Variants in CPA6 observed in about 807,000 individuals in gnomAD.
CPA6 encodes the protein carboxypeptidase A6.
In CPA6, 58 loss-of-function variants were observed where a neutral mutation model predicts 63.3. That is an observed-to-expected ratio of 0.92 (90% CI 0.74 to 1.14). The LOEUF is 1.14. CPA6 is among the 50% of genes most tolerant of loss of function. The pLI, the probability that CPA6 is intolerant of heterozygous loss-of-function variation, is 0.00. For synonymous variants in CPA6, 185 were observed against 179.0 expected, an observed-to-expected ratio of 1.03 and a Z score of -0.27; for missense variants, 565 against 526.6, an observed-to-expected ratio of 1.07 and a Z score of -0.71.
chr8:67,625,703 C>T (rs1332814508), intron 1 of CPA6, among the ~76,000 whole-genome samples: 1 of 152,082 alleles, frequency 6.6e-6, no homozygotes, highest in Non-Finnish European at 1.5e-5. Context: ...CTCTCTATGG[C>T]ATTTTACAAT....
rs185852553 is a variant in CPA6, at chr8:67,662,522, C to G, written c.117-38271G>C. Among the ~76,000 whole-genome samples the G allele has an allele frequency of 7.4e-3, 866 of 117,110 alleles. 9 individuals carry two copies. The highest frequency in any genetic ancestry group is 0.032 in the African/African-American group (814 of 25,488). The allele number at this position is 117,110 out of a possible 152,430, so 76.8% of individuals were successfully genotyped here. A position where few individuals can be genotyped will look rare whatever the true frequency, so the allele number is the denominator to read the frequency against. ...TGTATATGTATATAATACATACACA[C>G]GTATATGTATATATAGAATACATAC... On this transcript the variant is annotated intron_variant, in intron 1 of 10. Transcript: ENST00000297770.
At chr8:67,441,168 T>C (rs895137254) in intron 8 of CPA6, among the ~76,000 whole-genome samples, 2 of 152,204 alleles carry the variant, frequency 1.3e-5, no homozygotes, top group African/African-American at 4.8e-5. Context: ...GACACCTGGA[T>C]AAAAGATCAG....
At chr8:67,547,363 T>C (rs905806917) in intron 2 of CPA6, among the ~76,000 whole-genome samples, 3 of 152,210 alleles carry the variant, frequency 2.0e-5, no homozygotes, top group African/African-American at 7.2e-5. Flanking sequence ...AAGTTTTAAA[T>C]GAACTATACC....
intron 2 of CPA6, among the ~76,000 whole-genome samples, chr8:67,562,437 C>A (rs571598820): frequency 6.6e-6 from 1 of 152,136 alleles, no homozygotes; most frequent in Non-Finnish European, 1.5e-5. Context: ...TGGTTGAAAG[C>A]GCTAAGCCCT....
At chr8:67,632,854 G>A (rs935633815) in intron 1 of CPA6, among the ~76,000 whole-genome samples, 6 of 152,160 alleles carry the variant, frequency 3.9e-5, no homozygotes, top group Non-Finnish European at 7.3e-5. Context: ...GACCTAATAT[G>A]TATTCAAGTT....
At chr8:67,458,720 A>G (rs1370275495) in intron 8 of CPA6, among the ~76,000 whole-genome samples, 1 of 152,248 alleles carries the variant, frequency 6.6e-6, no homozygotes. Context: ...TAAGAAAACA[A>G]TTTAAAAATG....
At chr8:67,647,028 G>T (rs902423140) in intron 1 of CPA6, among the ~76,000 whole-genome samples, 4 of 152,180 alleles carry the variant, frequency 2.6e-5, no homozygotes, top group Admixed American at 2.6e-4. Flanking sequence ...GGATTACAGG[G>T]AAAGGGAAGA....
chr8:67,731,115 T>A (rs1221740360), intron 1 of CPA6, among the ~76,000 whole-genome samples: 1 of 152,232 alleles, frequency 6.6e-6, no homozygotes, highest in Non-Finnish European at 1.5e-5. Flanking sequence ...ACTTTACCAT[T>A]TCATCTAACT....
At chr8:67,701,855 A>G (rs1817031302) in intron 1 of CPA6, among the ~76,000 whole-genome samples, 1 of 152,188 alleles carries the variant, frequency 6.6e-6, no homozygotes, top group East Asian at 1.9e-4. Flanking sequence ...TTTCTGCATT[A>G]GGATTACTAC....
chr8:67,686,122 A>G (rs944686230), intron 1 of CPA6, among the ~76,000 whole-genome samples: 1 of 151,286 alleles, frequency 6.6e-6, no homozygotes, highest in Admixed American at 6.6e-5. Flanking sequence ...ATGAATGACC[A>G]GAACCCCATT....
chr8:67,565,781 T>TTGTAA (rs1428793024), intron 2 of CPA6, among the ~76,000 whole-genome samples: 1 of 152,178 alleles, frequency 6.6e-6, no homozygotes, highest in Admixed American at 6.5e-5. Flanking sequence ...TAATGTCAGT[T>TTGTAA]TGTCTCAGCA....
At chr8:67,568,182 G>A (rs1450914137) in intron 2 of CPA6, among the ~76,000 whole-genome samples, 2 of 152,098 alleles carry the variant, frequency 1.3e-5, no homozygotes, top group Non-Finnish European at 2.9e-5. Context: ...TCCTGTAAAA[G>A]CCAGGAAAGT....
chr8:67,651,684 G>A (rs1207023572), intron 1 of CPA6, among the ~76,000 whole-genome samples: 1 of 152,002 alleles, frequency 6.6e-6, no homozygotes, highest in East Asian at 1.9e-4. Context: ...ACGACATGTT[G>A]AGAGAAGCAG....
intron 1 of CPA6, among the ~76,000 whole-genome samples, chr8:67,651,157 G>A (rs984940571): frequency 4.6e-5 from 7 of 152,118 alleles, no homozygotes; most frequent in African/African-American, 1.4e-4. Context: ...ATTACATGAA[G>A]GTCTTTGCTT....
In CPA6 at chr8:67,591,167, C is replaced by G. The variant is rs183127726; in HGVS notation, c.192+33009G>C. On this transcript the variant is annotated intron_variant, in intron 2 of 10. Transcript: ENST00000297770. ...AATCCTTTCCCCATTGCTTGTTTTT[C>G]TCAGGTTTGTCAAAGATCAGATGGT... is the stretch of plus-strand genomic sequence containing the variant. 1.4e-3 allele frequency among the ~76,000 whole-genome samples: 217 copies of G among 152,236 alleles called. 2 individuals carry two copies. The East Asian group carries it at 0.037, about 26-fold the overall frequency.
Position 67,576,842 on chromosome 8 carries a change from C to G in CPA6, c.192+47334G>C, listed in dbSNP as rs370737600. On this transcript the variant is annotated intron_variant, in intron 2 of 10. Transcript: ENST00000297770. ...AAGGAACAGGTAGTATGACTATAGA[C>G]CAAGGGACTTCAAGTCTTAGAAACT... 4.0e-5 allele frequency among the ~76,000 whole-genome samples: 6 copies of G among 151,720 alleles called. No individual in the cohort carries two copies. In the East Asian group the frequency reaches 5.8e-4, roughly 15 times the overall value.
chr8:67,447,399 T>C (rs1355191083), intron 8 of CPA6, among the ~76,000 whole-genome samples: 8 of 151,790 alleles, frequency 5.3e-5, no homozygotes, highest in Non-Finnish European at 8.8e-5. Context: ...AAAGAAACAA[T>C]AATGCAATAA....
At chr8:67,477,518 C>T (rs928762080) in intron 8 of CPA6, among the ~76,000 whole-genome samples, 4 of 152,200 alleles carry the variant, frequency 2.6e-5, no homozygotes, top group Non-Finnish European at 5.9e-5. Context: ...GGGATGTGAA[C>T]TCATTAAATC....
intron 8 of CPA6, among the ~76,000 whole-genome samples, chr8:67,451,169 G>T (rs1470084220): frequency 3.9e-5 from 6 of 152,032 alleles, no homozygotes; most frequent in Non-Finnish European, 5.9e-5. Context: ...GCCATGAACC[G>T]GTACCAGTCC....
Sources: gnomAD v4.1 joint callset for allele counts (sites outside exome capture counted in the v4.1 genomes callset) on GRCh38, gnomAD v4.1.1 for gene constraint, MANE v1.5 for transcripts, NCBI Gene and HGNC (gene_info 2026-07-23, HGNC 2026-07-21) for gene names.